MAPKAPK5: variants seen among roughly 807,000 people sequenced by gnomAD.
MAPKAPK5 encodes the protein MAP kinase-activated protein kinase 5.
Under a neutral mutation model 65.1 loss-of-function variants are expected in MAPKAPK5, and 30 were observed. That is an observed-to-expected ratio of 0.46 (90% CI 0.34 to 0.63). The LOEUF is 0.63. Among genes scored for constraint, MAPKAPK5 ranks in the 20% least tolerant of loss-of-function variants. The probability of loss-of-function intolerance (pLI) is 0.01; values close to 1 mark genes in which losing one functional copy is unlikely to be tolerated. For missense variants in MAPKAPK5, 433 were observed against 581.4 expected (o/e 0.74, Z 2.63); for synonymous variants, 179 against 204.6 (o/e 0.87, Z 1.07).
intron 1 of MAPKAPK5, among the ~76,000 whole-genome samples, chr12:111,844,198 T>A (rs1198766203): frequency 7.1e-6 from 1 of 139,986 alleles, no homozygotes; most frequent in African/African-American, 2.9e-5. Flanking sequence ...TTGGGTTTTG[T>A]TTTTTTTTTT....
At position 111,901,217 on chromosome 12, in the gene MAPKAPK5, C is replaced by T. The variant is rs570456066; in HGVS notation, c.*8156C>T. The stretch of plus-strand genomic sequence containing the variant: ...CACCAAACAAAGTCTGCCTGAATTC[C>T]GCCTGCACAGATAAAACCCCAGTGA... On this transcript the variant is annotated 3_prime_UTR_variant, in exon 14 of 14. Transcript: ENST00000550735. The T allele has an allele frequency of 7.7e-5, 35 of 455,992 alleles. No homozygotes were observed. Among genetic ancestry groups the T allele is most frequent in the East Asian group, 1.4e-4 (2 of 14,388 alleles). The allele number at this position is 455,992 out of a possible 1,614,324, so 28.2% of individuals were successfully genotyped here. A position where few individuals can be genotyped will look rare whatever the true frequency, so the allele number is the denominator to read the frequency against.
intron 7 of MAPKAPK5, among the ~76,000 whole-genome samples, chr12:111,879,104 G>A (rs1205049661): frequency 2.6e-5 from 4 of 152,164 alleles, no homozygotes; most frequent in African/African-American, 4.8e-5. Flanking sequence ...ATTCAATGTG[G>A]AAGTGCTGAG....
chr12:111,880,594 G>T, intron 8 of MAPKAPK5, 67 bp downstream of exon 8: 1 of 1,430,728 alleles, frequency 7.0e-7, no homozygotes, highest in South Asian at 1.2e-5. Flanking sequence ...GGTGTTTGTG[G>T]CCCTCTGGGA....
intron 6 of MAPKAPK5, 115 bp downstream of exon 6, chr12:111,870,475 A>C (rs1013928058): frequency 7.3e-6 from 5 of 687,962 alleles, no homozygotes; most frequent in African/African-American, 7.1e-5. Flanking sequence ...AAAGTGCTTC[A>C]AACAGCTTAT....
intron 7 of MAPKAPK5, among the ~76,000 whole-genome samples, chr12:111,872,998 C>T (rs2069832804): frequency 6.6e-6 from 1 of 151,938 alleles, no homozygotes. Context: ...TGTGACTTGC[C>T]TTTTAATTTT....
intron 1 of MAPKAPK5, among the ~76,000 whole-genome samples, chr12:111,862,098 A>C (rs914591707): frequency 6.6e-6 from 1 of 152,180 alleles, no homozygotes; most frequent in African/African-American, 2.4e-5. Context: ...CTCCTTTGTC[A>C]TTAAAATATG....
At chr12:111,891,815 A>T (rs2070625413) in intron 13 of MAPKAPK5, among the ~76,000 whole-genome samples, 1 of 151,828 alleles carries the variant, frequency 6.6e-6, no homozygotes, top group East Asian at 1.9e-4. Flanking sequence ...TTTAAAAAAA[A>T]AAAAGGGAAA....
chr12:111,870,502 C>G, intron 6 of MAPKAPK5, 142 bp downstream of exon 6: 1 of 560,536 alleles, frequency 1.8e-6, no homozygotes, highest in East Asian at 3.0e-5. Flanking sequence ...AACTCGTTCC[C>G]TTGCTAGAGG....
At chr12:111,845,397 C>T (rs767574021) in intron 1 of MAPKAPK5, among the ~76,000 whole-genome samples, 3 of 152,086 alleles carry the variant, frequency 2.0e-5, no homozygotes, top group Non-Finnish European at 2.9e-5. Flanking sequence ...CTCAGGTTAT[C>T]TGTCCGCCTT....
chr12:111,856,852 A>C lies in MAPKAPK5; in HGVS notation c.37-8398A>C, dbSNP rs2069258136. Among the ~76,000 whole-genome samples, 5 of 152,382 alleles carry C rather than the reference A, an allele frequency of 3.3e-5. 1 individual carries two copies. In the South Asian group the frequency reaches 1.0e-3, roughly 32 times the overall value. ...AGAGAAAGGAATAAAATATATTTAC[A>C]GCCTTTTATGTTAACCTACAGTATA... On this transcript the variant is annotated intron_variant, in intron 1 of 13. Transcript: ENST00000550735.
rs143922092 is a variant in MAPKAPK5 at position 111,868,478 on chromosome 12, C to T, written c.285-275C>T. On this transcript the variant is annotated intron_variant, in intron 4 of 13. Transcript: ENST00000550735. ...GGAAATCAAACAAATGGGAAAAAAA[C>T]GCTTATTTTTCACAACTGTGCTCTG... 1.8e-4 allele frequency among the ~76,000 whole-genome samples: 27 copies of T among 152,110 alleles called. No homozygotes were observed. In the South Asian group the frequency reaches 2.1e-3, roughly 12 times the overall value.
chr12:111,868,798 A>G lies in MAPKAPK5; in HGVS notation c.330A>G (p.Leu110=), dbSNP rs759267550. ...IVMEMMEGGE[L]FHRISQHRHF... The stretch of plus-strand genomic sequence containing the variant: ...TGGAGATGATGGAAGGGGGAGAGCT[A>G]TTTCACAGAATCAGCCAGCACCGGC... The change falls in exon 5 of 14, where the codon CTA becomes CTG. Residue 110 remains leucine, a synonymous_variant. Coordinates refer to ENST00000550735, the MANE Select transcript of MAPKAPK5 (RefSeq NM_003668.4). The G allele has an allele frequency of 2.9e-5, 45 of 1,570,558 alleles. No individual in the cohort carries two copies. The highest frequency in any genetic ancestry group is 3.5e-5 in the South Asian group (3 of 85,134).
intron 7 of MAPKAPK5, among the ~76,000 whole-genome samples, chr12:111,873,474 G>A (rs1318438186): frequency 6.6e-6 from 1 of 152,102 alleles, no homozygotes; most frequent in Non-Finnish European, 1.5e-5. Flanking sequence ...CTCCTAAGTA[G>A]CTGGGATTAC....
rs994343347 is a variant in MAPKAPK5 at position 111,900,268 on chromosome 12, C to A, written c.*7207C>A. ...CACCCTGGACAGAATATGGGCCAGGCCTTTCTCAGTGGTGCCTGCTCAAGC... is the reference window on the plus strand; with the variant it reads ...CACCCTGGACAGAATATGGGCCAGGACTTTCTCAGTGGTGCCTGCTCAAGC... On this transcript the variant is annotated 3_prime_UTR_variant, in exon 14 of 14. Coordinates refer to ENST00000550735, the MANE Select transcript of MAPKAPK5 (RefSeq NM_003668.4). 3 of 455,934 alleles carry A rather than the reference C, an allele frequency of 6.6e-6. No individual in the cohort carries two copies. Among genetic ancestry groups the A allele is most frequent in the African/African-American group, 2.0e-5 (1 of 50,060 alleles). The allele number at this position is 455,934 out of a possible 1,614,324, so 28.2% of individuals were successfully genotyped here.
intron 12 of MAPKAPK5, 32 bp downstream of exon 12, chr12:111,889,032 G>A: frequency 1.9e-6 from 3 of 1,552,242 alleles, no homozygotes; most frequent in African/African-American, 1.4e-5. Context: ...AATCCTCTGT[G>A]TGTCTGTGAG....
In MAPKAPK5 at chr12:111,883,664, G is replaced by C; in HGVS notation, c.744G>C (p.Arg248=). ...YPPFYSKHHS[R]TIPKDMRRKI... is the part of the protein sequence containing the mutation. ...CTTTTTACTCCAAACACCACAGCCG[G>C]ACTATCCCAAAGGATATGCGAAGAA... The change falls in exon 9 of 14, where the codon CGG becomes CGC. Residue 248 remains arginine (R), a synonymous_variant. Coordinates refer to ENST00000550735, the MANE Select transcript of MAPKAPK5 (RefSeq NM_003668.4). This position sits in a 1 kb window ranked among gnomAD's most constrained non-coding sequence, Gnocchi z 4.8. The C allele has an allele frequency of 6.2e-7, 1 of 1,613,962 alleles. No individual in the cohort carries two copies. Among genetic ancestry groups the C allele is most frequent in the South Asian group, 1.1e-5 (1 of 91,086 alleles).
Position 111,888,990 on chromosome 12 carries a change from C to T in MAPKAPK5, c.1206C>T (p.Leu402=), listed in dbSNP as rs894642913. ...KLRDVIAQCI[L]PQAGENEDEK... Reference sequence around the variant, plus strand: ...GAGATGTGATTGCTCAGTGTATTCTCCCCCAGGCTGGTAAAGGTCACACCA... The same window carrying T: ...GAGATGTGATTGCTCAGTGTATTCTTCCCCAGGCTGGTAAAGGTCACACCA... The change falls in exon 12 of 14, where the codon CTC becomes CTT. Residue 402 remains leucine, a synonymous_variant. Transcript: ENST00000550735. 1 of 1,582,340 alleles carries T rather than the reference C, an allele frequency of 6.3e-7. No homozygotes were observed. The highest frequency in any genetic ancestry group is 8.6e-7 in the Non-Finnish European group (1 of 1,163,776).
intron 7 of MAPKAPK5, 170 bp from the exon 8 acceptor site, chr12:111,880,277 T>C (rs750230742): frequency 2.5e-5 from 15 of 605,556 alleles, no homozygotes; most frequent in African/African-American, 3.7e-5. Context: ...GATAAATTAC[T>C]GGTTGTAAGA....
chr12:111,865,107 C>T, intron 1 of MAPKAPK5, 143 bp from the exon 2 acceptor site: 1 of 591,430 alleles, frequency 1.7e-6, no homozygotes, highest in Admixed American at 2.9e-5. Flanking sequence ...TCATAAAGCC[C>T]TGTAGAACAC....
Sources: gnomAD v4.1 joint callset for allele counts (sites outside exome capture counted in the v4.1 genomes callset) on GRCh38, gnomAD v4.1.1 for gene constraint, Gnocchi (gnomAD v3.1) non-coding constraint, MANE v1.5 for transcripts, NCBI Gene and HGNC (gene_info 2026-07-23, HGNC 2026-07-21) for gene names.